PCDHGA12: variants seen among roughly 807,000 people sequenced by gnomAD.
PCDHGA12 encodes protocadherin gamma-A12.
PCDHGA12 carries 43 observed loss-of-function variants against 61.1 expected under a neutral mutation model. That is an observed-to-expected ratio of 0.70 (90% CI 0.55 to 0.91). PCDHGA12 has a LOEUF of 0.91. PCDHGA12 is among the 40% of genes least tolerant of loss of function. The pLI is 0.00. For missense variants in PCDHGA12, 1,236 were observed against 1,227.7 expected, an observed-to-expected ratio of 1.01 and a Z score of -0.10; for synonymous variants, 520 against 542.9, an observed-to-expected ratio of 0.96 and a Z score of 0.59.
intron 1 of PCDHGA12, among the ~76,000 whole-genome samples, chr5:141,450,666 T>G (rs1434496607): frequency 6.6e-6 from 1 of 151,890 alleles, no homozygotes; most frequent in African/African-American, 2.4e-5. Context: ...TTTGTACTTT[T>G]AGTAGAAACG....
At chr5:141,445,268 C>A (rs2098461653) in intron 1 of PCDHGA12, among the ~76,000 whole-genome samples, 1 of 152,170 alleles carries the variant, frequency 6.6e-6, no homozygotes, top group Non-Finnish European at 1.5e-5. Flanking sequence ...TAAGTCGAAA[C>A]CACTCTGCAT....
At chr5:141,467,055 CTT>C (rs1193465269) in intron 1 of PCDHGA12, among the ~76,000 whole-genome samples, 47 of 134,388 alleles carry the variant, frequency 3.5e-4, no homozygotes, top group Admixed American at 6.0e-4. Context: ...TCAATGTTTT[CTT>C]TTTTTTTTTT....
At position 141,476,752 on chromosome 5, in the gene PCDHGA12, A is replaced by C. The variant is rs771355583; in HGVS notation, c.2425-18055A>C. The C allele has an allele frequency of 6.2e-7, 1 of 1,613,926 alleles. No homozygotes were observed. The highest frequency in any genetic ancestry group is 1.1e-5 in the South Asian group (1 of 91,080). Reference sequence around the variant, plus strand: ...GAGAACGGGAGCCTAGTCTCCAGTTAGTGCTGACGGCGTTGGACGGAGGGA... The same window carrying C: ...GAGAACGGGAGCCTAGTCTCCAGTTCGTGCTGACGGCGTTGGACGGAGGGA... On this transcript the variant is annotated intron_variant, in intron 1 of 3. Transcript: ENST00000252085. The surrounding 1 kb of genome is among the most constrained non-coding windows in gnomAD (Gnocchi z 7.6).
intron 1 of PCDHGA12, chr5:141,439,888 A>G (rs2098137228): frequency 6.6e-6 from 1 of 152,384 alleles, no homozygotes. Context: ...TCTGGGTAGA[A>G]CCAAGGCGAC....
chr5:141,462,911 T>C (rs1263378930), intron 1 of PCDHGA12, among the ~76,000 whole-genome samples: 1 of 152,248 alleles, frequency 6.6e-6, no homozygotes, highest in Non-Finnish European at 1.5e-5. Flanking sequence ...ATTATGTTTT[T>C]TGCAGATCAG....
At chr5:141,498,967 GGGAGGGAAGGAAGGAAGGAA>G (rs1464205074) in intron 2 of PCDHGA12, among the ~76,000 whole-genome samples, 5 of 129,584 alleles carry the variant, frequency 3.9e-5, no homozygotes, top group African/African-American at 1.6e-4. Flanking sequence ...GAGGGAGGGA[GGGAGGGAAGGAAGGAAGGAA>G]GGAAGGAAGG....
intron 1 of PCDHGA12, among the ~76,000 whole-genome samples, chr5:141,445,490 C>T (rs1181158971): frequency 6.6e-6 from 1 of 152,134 alleles, no homozygotes; most frequent in Non-Finnish European, 1.5e-5. Flanking sequence ...AGTTAATGGG[C>T]CCTATTCTAA....
At chr5:141,500,877 A>C (rs2099803156) in intron 2 of PCDHGA12, among the ~76,000 whole-genome samples, 1 of 122,292 alleles carries the variant, frequency 8.2e-6, no homozygotes, top group African/African-American at 3.9e-5. Flanking sequence ...TTCATTTACA[A>C]TTTTTTTTTT....
At chr5:141,480,511 A>G (rs2099520888) in intron 1 of PCDHGA12, among the ~76,000 whole-genome samples, 1 of 127,378 alleles carries the variant, frequency 7.9e-6, no homozygotes, top group African/African-American at 3.6e-5. Context: ...ATATGAGAAC[A>G]ACCAAAAATG....
intron 1 of PCDHGA12, among the ~76,000 whole-genome samples, chr5:141,472,267 C>T (rs547832378): frequency 6.6e-5 from 10 of 152,216 alleles, no homozygotes; most frequent in African/African-American, 2.4e-4. Context: ...TATAGCCGGG[C>T]ACAGTGGCTC....
rs1197249074 is a variant in PCDHGA12 at position 141,438,579 on chromosome 5, CATACATACATACATATATAT to C, written c.2424+5400_2424+5419del. ...AAGAGGCAGCTGTCTGATATACATACATACATACATACATATATATATATATATATATATATATATATATA... is the reference window on the plus strand; with the variant it reads ...AAGAGGCAGCTGTCTGATATACATACATATATATATATATATATATATATA... On this transcript the variant is annotated intron_variant, in intron 1 of 3. Transcript: ENST00000252085. Among the ~76,000 whole-genome samples the C allele has an allele frequency of 5.3e-3, 298 of 55,734 alleles. 1 individual carries two copies. Among genetic ancestry groups the C allele is most frequent in the Admixed American group, 0.022 (77 of 3,542 alleles). The allele number at this position is 55,734 out of a possible 152,430, so 36.6% of individuals were successfully genotyped here.
intron 1 of PCDHGA12, 148 bp from the exon 2 acceptor site, chr5:141,494,659 T>C (rs749872848): frequency 2.3e-4 from 343 of 1,488,556 alleles, no homozygotes; most frequent in Non-Finnish European, 2.9e-4. Flanking sequence ...ATTTTGTCTT[T>C]GGAGATGAGT....
At chr5:141,445,254 AAT>A (rs1214840265) in intron 1 of PCDHGA12, among the ~76,000 whole-genome samples, 49 of 152,350 alleles carry the variant, frequency 3.2e-4, no homozygotes, top group Non-Finnish European at 5.9e-5. Context: ...ATTGTGTGAG[AAT>A]ATAAGTCGAA....
rs138542775 is a variant in PCDHGA12, at chr5:141,491,313, C to T, written c.2425-3494C>T. ...ACCCTCCTGAGCGTTCAGACCTTAC[C>T]CTTTACCTCATTGTGGCTCTAGCGA... On this transcript the variant is annotated intron_variant, in intron 1 of 3. Transcript: ENST00000252085. This position sits in a 1 kb window ranked among gnomAD's most constrained non-coding sequence, Gnocchi z 6.9. 405 of 1,614,154 alleles carry T rather than the reference C, an allele frequency of 2.5e-4. 2 individuals are homozygous for T. In the African/African-American group the frequency reaches 4.5e-3, roughly 18 times the overall value.
chr5:141,465,502 G>A (rs948827391), intron 1 of PCDHGA12, among the ~76,000 whole-genome samples: 6 of 152,268 alleles, frequency 3.9e-5, no homozygotes, highest in Admixed American at 2.0e-4. Context: ...GAGCATTGTC[G>A]TGGTCAGGAA....
At chr5:141,505,282 G>C (rs73280377) in intron 2 of PCDHGA12, 111 bp from the exon 3 acceptor site, 37,017 of 1,544,812 alleles carry the variant, frequency 0.024, 1,115 homozygotes, top group African/African-American at 0.15. Context: ...AACAGGTCTT[G>C]GGCATGGGGT....
intron 1 of PCDHGA12, chr5:141,471,535 T>C (rs553186728): frequency 6.6e-6 from 1 of 152,368 alleles, no homozygotes; most frequent in African/African-American, 2.4e-5. Context: ...GAAGCTATGA[T>C]AGCATTTAAG....
intron 2 of PCDHGA12, among the ~76,000 whole-genome samples, chr5:141,502,832 G>T (rs1266910323): frequency 6.6e-6 from 1 of 150,516 alleles, no homozygotes; most frequent in Non-Finnish European, 1.5e-5. Context: ...GGGGAAGCCT[G>T]GACTGGCTGA....
At position 141,486,108 on chromosome 5, in the gene PCDHGA12, G is replaced by A. The variant is rs1184123075; in HGVS notation, c.2425-8699G>A. ...CTTTTGGGGCCCCTAGACTTTGAGA[G>A]TGAGAATTACTATGAATTTGATGTG... On this transcript the variant is annotated intron_variant, in intron 1 of 3. Coordinates refer to ENST00000252085, the MANE Select transcript of PCDHGA12 (RefSeq NM_003735.3). The surrounding 1 kb of genome is among the most constrained non-coding windows in gnomAD (Gnocchi z 5.0). 6 of 1,614,206 alleles carry A rather than the reference G, an allele frequency of 3.7e-6. No individual in the cohort carries two copies. Among genetic ancestry groups the A allele is most frequent in the South Asian group, 3.3e-5 (3 of 91,084 alleles).
Sources: gnomAD v4.1 joint callset for allele counts (sites outside exome capture counted in the v4.1 genomes callset) on GRCh38, gnomAD v4.1.1 for gene constraint, Gnocchi (gnomAD v3.1) non-coding constraint, MANE v1.5 for transcripts, NCBI Gene and HGNC (gene_info 2026-07-23, HGNC 2026-07-21) for gene names.